The following MAP7 variants were observed in gnomAD, a reference collection of about 807,000 sequenced individuals.
MAP7 encodes the protein microtubule associated protein 7, also known as ensconsin.
Under a neutral mutation model 94.8 loss-of-function variants are expected in MAP7, and 52 were observed. The ratio of observed to expected loss-of-function variants is 0.55; its 90% CI spans 0.44 to 0.69. MAP7 has a LOEUF of 0.69. MAP7 is among the 30% of genes least tolerant of loss of function. MAP7 has a pLI of 0.00. For synonymous variants in MAP7, 350 were observed against 357.0 expected, an observed-to-expected ratio of 0.98 and a Z score of 0.22; for missense variants, 940 against 964.6, an observed-to-expected ratio of 0.97 and a Z score of 0.34.
rs1183417215 is a variant in MAP7 at position 136,376,125 on chromosome 6, G to A, written c.751+1630C>T. Among the ~76,000 whole-genome samples the A allele has an allele frequency of 4.6e-5, 7 of 151,864 alleles. No individual in the cohort carries two copies. In the East Asian group the frequency reaches 1.4e-3, roughly 29 times the overall value. On this transcript the variant is annotated intron_variant, in intron 7 of 17. Transcript: ENST00000354570. ...AGCGGTTTTTTTTTTTTGAGACGGAGTCTCGCTCTATCCCCCAGGCTGGAG... is the reference window on the plus strand; with the variant it reads ...AGCGGTTTTTTTTTTTTGAGACGGAATCTCGCTCTATCCCCCAGGCTGGAG...
intron 13 of MAP7, 118 bp from the exon 14 acceptor site, chr6:136,360,149 T>C (rs1792134321): frequency 1.2e-6 from 1 of 810,244 alleles, no homozygotes; most frequent in Non-Finnish European, 2.0e-6. Flanking sequence ...AAATACAATA[T>C]GCACTTTTTT....
At chr6:136,471,928 A>G (rs1421231935) in intron 1 of MAP7, among the ~76,000 whole-genome samples, 2 of 152,130 alleles carry the variant, frequency 1.3e-5, no homozygotes, top group African/African-American at 4.8e-5. Flanking sequence ...GATAATTACA[A>G]TGAAGTCACT....
intron 1 of MAP7, among the ~76,000 whole-genome samples, chr6:136,518,557 T>C (rs1825524245): frequency 6.6e-6 from 1 of 152,180 alleles, no homozygotes; most frequent in Admixed American, 6.6e-5. Context: ...ATAAACTTAA[T>C]ATAACATATG....
intron 3 of MAP7, among the ~76,000 whole-genome samples, chr6:136,399,848 T>C (rs1783564325): frequency 6.6e-6 from 1 of 151,912 alleles, no homozygotes; most frequent in Non-Finnish European, 1.5e-5. Flanking sequence ...TAGAAGGGAG[T>C]TGTAGAATAA....
intron 16 of MAP7, among the ~76,000 whole-genome samples, chr6:136,349,726 ACC>A (rs1246631431): frequency 3.9e-5 from 6 of 151,964 alleles, no homozygotes; most frequent in Non-Finnish European, 8.8e-5. Flanking sequence ...GATAACTCAA[ACC>A]CTCTTCCATT....
At chr6:136,505,383 G>A (rs1349081520) in intron 1 of MAP7, among the ~76,000 whole-genome samples, 1 of 149,030 alleles carries the variant, frequency 6.7e-6, no homozygotes, top group Non-Finnish European at 1.5e-5. Flanking sequence ...GAGAGGAAGG[G>A]AGAGAGAGAT....
intron 1 of MAP7, among the ~76,000 whole-genome samples, chr6:136,465,895 T>C (rs1271015139): frequency 6.6e-6 from 1 of 152,148 alleles, no homozygotes; most frequent in Non-Finnish European, 1.5e-5. Context: ...AATTTGCAAA[T>C]GTTATCTGTG....
chr6:136,426,152 C>T (rs138166363), intron 1 of MAP7, among the ~76,000 whole-genome samples: 1 of 152,224 alleles, frequency 6.6e-6, no homozygotes, highest in East Asian at 1.9e-4. Context: ...CAACAAAGTT[C>T]CCGTCTTCAA....
chr6:136,471,452 G>A (rs977876344), intron 1 of MAP7, among the ~76,000 whole-genome samples: 7 of 152,122 alleles, frequency 4.6e-5, no homozygotes, highest in African/African-American at 9.7e-5. Flanking sequence ...TGGCACTCGG[G>A]TTTTACTTTC....
At chr6:136,423,197 AGT>A (rs1791946093) in intron 1 of MAP7, among the ~76,000 whole-genome samples, 3 of 152,070 alleles carry the variant, frequency 2.0e-5, no homozygotes, top group African/African-American at 2.4e-5. Flanking sequence ...TGCAGGTTTG[AGT>A]GTGTTTTGGA....
intron 1 of MAP7, among the ~76,000 whole-genome samples, chr6:136,496,131 C>T (rs780877795): frequency 6.6e-6 from 1 of 151,062 alleles, no homozygotes; most frequent in Non-Finnish European, 1.5e-5. Flanking sequence ...ACCCATCTCT[C>T]CCTACCCCAG....
intron 1 of MAP7, among the ~76,000 whole-genome samples, chr6:136,547,488 C>A (rs1829820891): frequency 6.6e-6 from 1 of 152,046 alleles, no homozygotes; most frequent in Non-Finnish European, 1.5e-5. Context: ...TTGTGAATAT[C>A]ACCCATCGTA....
At chr6:136,374,530 A>G (rs3799409) in intron 7 of MAP7, among the ~76,000 whole-genome samples, 7,289 of 152,254 alleles carry the variant, frequency 0.048, 353 homozygotes, top group African/African-American at 0.12. Context: ...CTTGGAGGCC[A>G]TGGGTCTGAC....
intron 1 of MAP7, among the ~76,000 whole-genome samples, chr6:136,488,006 A>T (rs1815318628): frequency 6.6e-6 from 1 of 152,230 alleles, no homozygotes; most frequent in South Asian, 2.1e-4. Context: ...AGGGCGGCTT[A>T]TGCTTTATTT....
chr6:136,418,511 T>C (rs1232581270), intron 2 of MAP7, among the ~76,000 whole-genome samples: 1 of 152,214 alleles, frequency 6.6e-6, no homozygotes, highest in African/African-American at 2.4e-5. Context: ...CACCGGCGCC[T>C]GGCCAGCCAT....
intron 1 of MAP7, among the ~76,000 whole-genome samples, chr6:136,437,719 C>A (rs1302534646): frequency 6.6e-6 from 1 of 151,946 alleles, no homozygotes; most frequent in East Asian, 1.9e-4. Context: ...TTATCGTAAA[C>A]CAGCTTTAAA....
intron 1 of MAP7, among the ~76,000 whole-genome samples, chr6:136,503,383 C>T (rs1382897877): frequency 1.5e-5 from 2 of 130,640 alleles, no homozygotes; most frequent in Non-Finnish European, 3.1e-5. Context: ...TCTGTCCAAA[C>T]AAGGATTTCT....
intron 1 of MAP7, among the ~76,000 whole-genome samples, chr6:136,478,954 T>A (rs149624489): frequency 1.0e-3 from 85 of 82,450 alleles, no homozygotes; most frequent in Middle Eastern, 9.6e-3. Flanking sequence ...CTAAGAGGCA[T>A]GATACCAAAA....
chr6:136,389,614 A>G (rs1194283392), intron 3 of MAP7, 97 bp from the exon 4 acceptor site: 1 of 1,095,054 alleles, frequency 9.1e-7, no homozygotes. Flanking sequence ...GTCTACAATG[A>G]ACAAATATGG....
Sources: gnomAD v4.1 joint callset for allele counts (sites outside exome capture counted in the v4.1 genomes callset) on GRCh38, gnomAD v4.1.1 for gene constraint, MANE v1.5 for transcripts, NCBI Gene and HGNC (gene_info 2026-07-23, HGNC 2026-07-21) for gene names.